The following PEBP4 variants were observed in gnomAD, a reference collection of about 807,000 sequenced individuals.
PEBP4 encodes phosphatidylethanolamine binding protein 4, also known as phosphatidylethanolamine-binding protein 4.
Under a neutral mutation model 23.9 loss-of-function variants are expected in PEBP4, and 22 were observed. The observed-to-expected ratio is 0.92, with a 90% CI of 0.66 to 1.31. PEBP4 has a LOEUF of 1.31. Among genes scored for constraint, PEBP4 ranks in the 40% most tolerant of loss-of-function variants. The pLI, the probability that PEBP4 is intolerant of heterozygous loss-of-function variation, is 0.00. For synonymous variants in PEBP4, 112 were observed against 99.3 expected, an observed-to-expected ratio of 1.13 and a Z score of -0.76; for missense variants, 324 against 281.7, an observed-to-expected ratio of 1.15 and a Z score of -1.07.
At chr8:22,870,459 T>C (rs760965849) in intron 3 of PEBP4, among the ~76,000 whole-genome samples, 3 of 152,276 alleles carry the variant, frequency 2.0e-5, no homozygotes, top group African/African-American at 7.2e-5. Flanking sequence ...AGGTGGAGCA[T>C]AGAGGATTTT....
upstream of PEBP4, among the ~76,000 whole-genome samples, chr8:22,930,832 C>G (rs377537905): frequency 1.2e-3 from 176 of 152,256 alleles, no homozygotes; most frequent in African/African-American, 4.1e-3. Flanking sequence ...ACAATTCTCC[C>G]TCCCCATCAC....
At chr8:22,856,543 C>T (rs1480181972) in intron 3 of PEBP4, among the ~76,000 whole-genome samples, 1 of 152,096 alleles carries the variant, frequency 6.6e-6, no homozygotes, top group Non-Finnish European at 1.5e-5. Context: ...ATGGCGAAAC[C>T]CCGTCTCTAC....
At chr8:22,731,769 C>T (rs959725650) in intron 4 of PEBP4, among the ~76,000 whole-genome samples, 10 of 151,898 alleles carry the variant, frequency 6.6e-5, no homozygotes, top group African/African-American at 2.4e-4. Context: ...TGCCATTCTC[C>T]TGCCTCAGCC....
intron 4 of PEBP4, among the ~76,000 whole-genome samples, chr8:22,773,760 G>A (rs1310219073): frequency 6.6e-6 from 1 of 152,136 alleles, no homozygotes; most frequent in East Asian, 1.9e-4. Flanking sequence ...TGTTCCCTTG[G>A]GAGCCTCAGC....
intron 3 of PEBP4, among the ~76,000 whole-genome samples, chr8:22,873,315 T>C (rs1348211445): frequency 2.6e-5 from 4 of 152,164 alleles, no homozygotes; most frequent in Non-Finnish European, 5.9e-5. Flanking sequence ...TTACGTTAAG[T>C]TCACCAAGAT....
rs1563240315 is a variant in PEBP4, at chr8:22,860,168, GTATATATATATACACATATATA to G, written c.259-42455_259-42434del. On this transcript the variant is annotated intron_variant, in intron 3 of 6. Transcript: ENST00000256404. ...AAAAATTATATATACACATATATAT[GTATATATATATACACATATATA>G]TGTATATATATATATACACATATAT... Among the ~76,000 whole-genome samples the G allele has an allele frequency of 4.3e-3, 528 of 122,772 alleles. 13 individuals are homozygous for G. Among genetic ancestry groups the G allele is most frequent in the African/African-American group, 0.015 (506 of 33,430 alleles). 80.5% of individuals were successfully genotyped at this position (122,772 alleles called of 152,430 possible). A position where few individuals can be genotyped will look rare whatever the true frequency, so the allele number is the denominator to read the frequency against.
chr8:22,763,304 C>T (rs932013714), intron 4 of PEBP4, among the ~76,000 whole-genome samples: 8 of 152,164 alleles, frequency 5.3e-5, no homozygotes, highest in East Asian at 1.9e-4. Context: ...TGTTGCCCGC[C>T]GGAAGAAGTC....
intron 4 of PEBP4, chr8:22,747,604 G>A (rs572082050): frequency 1.6e-4 from 25 of 152,258 alleles, no homozygotes; most frequent in African/African-American, 5.1e-4. Context: ...GCACGCTCAG[G>A]GGGGTGGGGG....
At chr8:22,822,352 A>T (rs1343459984) in intron 3 of PEBP4, among the ~76,000 whole-genome samples, 1 of 84,744 alleles carries the variant, frequency 1.2e-5, no homozygotes, top group African/African-American at 3.2e-5. Context: ...AATATATACT[A>T]AAGTGTGTGT....
chr8:22,737,693 G>A (rs576027502), intron 4 of PEBP4, among the ~76,000 whole-genome samples: 224 of 152,298 alleles, frequency 1.5e-3, no homozygotes, highest in Admixed American at 2.7e-3. Context: ...GGGCAGCCTG[G>A]GCTTCAGTCC....
At chr8:22,925,067 C>T (rs1215993374) in intron 2 of PEBP4, 2 of 985,196 alleles carry the variant, frequency 2.0e-6, no homozygotes, top group Non-Finnish European at 2.4e-6. Flanking sequence ...GGGGTCAGTG[C>T]AGGAGGTCCT....
At chr8:22,737,166 C>T (rs963093670) in intron 4 of PEBP4, among the ~76,000 whole-genome samples, 51 of 152,016 alleles carry the variant, frequency 3.4e-4, no homozygotes, top group Non-Finnish European at 6.0e-4. Flanking sequence ...TGGTGGCAGG[C>T]GCCTGTAGTC....
intron 3 of PEBP4, among the ~76,000 whole-genome samples, chr8:22,864,271 C>T (rs1316088880): frequency 6.6e-6 from 1 of 152,228 alleles, no homozygotes; most frequent in Admixed American, 6.5e-5. Context: ...CCTTCCCTCC[C>T]TCCTTGCCTG....
chr8:22,842,801 G>A (rs2128765902), intron 3 of PEBP4, among the ~76,000 whole-genome samples: 1 of 152,222 alleles, frequency 6.6e-6, no homozygotes, highest in South Asian at 2.1e-4. Context: ...GGAAATTCTC[G>A]ATACTTTTTG....
chr8:22,856,491 C>A (rs1484947530), intron 3 of PEBP4, among the ~76,000 whole-genome samples: 3 of 152,084 alleles, frequency 2.0e-5, no homozygotes, highest in Non-Finnish European at 4.4e-5. Context: ...CCGAGGCAGG[C>A]GGATTACTTG....
At chr8:22,919,144 G>A (rs1809145953) in intron 3 of PEBP4, among the ~76,000 whole-genome samples, 9 of 152,168 alleles carry the variant, frequency 5.9e-5, no homozygotes, top group Admixed American at 5.9e-4. Context: ...GTGTGCTGCC[G>A]CCCTCTGGAG....
At chr8:22,763,373 G>A (rs1437410861) in intron 4 of PEBP4, among the ~76,000 whole-genome samples, 1 of 152,142 alleles carries the variant, frequency 6.6e-6, no homozygotes, top group Admixed American at 6.5e-5. Flanking sequence ...CCAAAGACTT[G>A]TTCATTCTTG....
chr8:22,816,518 A>C (rs975693266), intron 4 of PEBP4, among the ~76,000 whole-genome samples: 1 of 151,972 alleles, frequency 6.6e-6, no homozygotes, highest in Non-Finnish European at 1.5e-5. Context: ...AAAAACATAA[A>C]CTCTTCATAG....
At chr8:22,772,980 T>G (rs1427097993) in intron 4 of PEBP4, among the ~76,000 whole-genome samples, 1 of 152,122 alleles carries the variant, frequency 6.6e-6, no homozygotes, top group Admixed American at 6.5e-5. Context: ...TCTTTAAACT[T>G]CAAAGGAACA....
Sources: allele counts gnomAD v4.1 joint callset (sites outside exome capture counted in the v4.1 genomes callset), GRCh38; gene constraint gnomAD v4.1.1; transcripts MANE v1.5; gene names NCBI Gene and HGNC (gene_info 2026-07-23, HGNC 2026-07-21).